Variants in ZPBP observed in about 807,000 individuals in gnomAD.
ZPBP encodes zona pellucida-binding protein 1.
In ZPBP, 26 loss-of-function variants were observed where a neutral mutation model predicts 44.8. The ratio of observed to expected loss-of-function variants is 0.58; its 90% CI spans 0.43 to 0.81. The LOEUF (loss-of-function observed/expected upper bound fraction) is 0.81. ZPBP is among the 30% of genes least tolerant of loss of function. The pLI, the probability that ZPBP is intolerant of heterozygous loss-of-function variation, is 0.00. For missense variants in ZPBP, 409 were observed against 434.0 expected (o/e 0.94, Z 0.51); for synonymous variants, 174 against 153.2 (o/e 1.14, Z -1.00).
intron 7 of ZPBP, among the ~76,000 whole-genome samples, chr7:49,964,794 G>A (rs991404640): frequency 1.3e-5 from 2 of 152,208 alleles, no homozygotes; most frequent in South Asian, 2.1e-4. Flanking sequence ...TTCAGCAGTG[G>A]GGTCTGAGTT....
intron 7 of ZPBP, chr7:49,942,294 C>A: frequency 8.9e-6 from 2 of 224,974 alleles, no homozygotes; most frequent in South Asian, 1.4e-4. Flanking sequence ...CCCTCTGAGT[C>A]ATTGGTCTTC....
chr7:49,984,722 C>G (rs1484507372), intron 6 of ZPBP, among the ~76,000 whole-genome samples: 6 of 152,134 alleles, frequency 3.9e-5, no homozygotes, highest in Non-Finnish European at 5.9e-5. Context: ...AGGCCATGGA[C>G]TGGTACTGGT....
At chr7:49,879,261 C>G (rs1300919633) in intron 2 of ZPBP, among the ~76,000 whole-genome samples, 2 of 152,132 alleles carry the variant, frequency 1.3e-5, no homozygotes, top group African/African-American at 4.8e-5. Context: ...AATTGAAATT[C>G]TGTCAGATAA....
intron 7 of ZPBP, among the ~76,000 whole-genome samples, chr7:49,955,998 T>C (rs944087802): frequency 1.3e-5 from 2 of 152,218 alleles, no homozygotes; most frequent in Non-Finnish European, 2.9e-5. Context: ...CTTATCATTT[T>C]GTTGTTATGG....
intron 1 of ZPBP, chr7:49,911,923 G>GCACACACACACACACACACACACACACA (rs10639154): frequency 3.0e-6 from 1 of 327,892 alleles, no homozygotes; most frequent in African/African-American, 2.3e-5. Context: ...ACAAATACAC[G>GCACACACACACACACACACACACACACA]CACACACACA....
At chr7:49,959,057 G>A (rs146395790) in intron 7 of ZPBP, among the ~76,000 whole-genome samples, 2 of 152,198 alleles carry the variant, frequency 1.3e-5, no homozygotes, top group East Asian at 1.9e-4. Flanking sequence ...GCAAATTACT[G>A]TACTAATACA....
rs529933409 is a variant in ZPBP at position 49,998,005 on chromosome 7, C to T, written c.784-14486G>A. The stretch of plus-strand genomic sequence containing the variant: ...TGATCTCAGCTCACTGCAACCTCTG[C>T]CTCCTGGGTTCAAGCAATTCTCCTG... On this transcript the variant is annotated intron_variant, in intron 6 of 7. Transcript: ENST00000046087. Among the ~76,000 whole-genome samples the T allele has an allele frequency of 7.9e-5, 12 of 152,234 alleles. No individual in the cohort carries two copies. In the South Asian group the frequency reaches 2.5e-3, roughly 32 times the overall value.
chr7:49,886,620 A>G (rs1791913006), intron 2 of ZPBP, among the ~76,000 whole-genome samples: 1 of 152,112 alleles, frequency 6.6e-6, no homozygotes, highest in Admixed American at 6.6e-5. Flanking sequence ...CTTTTACTTT[A>G]GGTTCAGGGG....
chr7:49,911,830 G>A (rs941594251), intron 1 of ZPBP, among the ~76,000 whole-genome samples: 2 of 151,776 alleles, frequency 1.3e-5, no homozygotes, highest in Admixed American at 6.6e-5. Context: ...CCGGGAGGCA[G>A]AAGTTGCAGT....
chr7:49,973,323 G>T (rs948671632), intron 7 of ZPBP, among the ~76,000 whole-genome samples: 22 of 151,170 alleles, frequency 1.5e-4, no homozygotes, highest in African/African-American at 4.8e-4. Context: ...AAAACCATAG[G>T]CAACAAAAGA....
intron 7 of ZPBP, among the ~76,000 whole-genome samples, chr7:49,966,541 G>C (rs1023170492): frequency 1.3e-5 from 2 of 151,902 alleles, no homozygotes; most frequent in African/African-American, 4.8e-5. Flanking sequence ...CAGAAATCTC[G>C]GGAAATCCCC....
At chr7:50,020,577 C>A (rs1416963269) in intron 5 of ZPBP, among the ~76,000 whole-genome samples, 4 of 152,078 alleles carry the variant, frequency 2.6e-5, no homozygotes, top group Non-Finnish European at 5.9e-5. Flanking sequence ...TCTCGCACAT[C>A]CCCTCTTTAT....
intron 2 of ZPBP, among the ~76,000 whole-genome samples, chr7:49,893,739 T>C (rs759649258): frequency 1.9e-4 from 29 of 152,200 alleles, no homozygotes; most frequent in Middle Eastern, 6.8e-3. Context: ...TTCCTCTGTA[T>C]AAATAACAGT....
At chr7:50,032,918 C>T (rs1239918983) in intron 4 of ZPBP, among the ~76,000 whole-genome samples, 1 of 152,138 alleles carries the variant, frequency 6.6e-6, no homozygotes, top group Non-Finnish European at 1.5e-5. Context: ...TGAGATAATA[C>T]AATTAGACTG....
intron 7 of ZPBP, among the ~76,000 whole-genome samples, chr7:49,945,238 T>C (rs1795054391): frequency 6.6e-6 from 1 of 152,196 alleles, no homozygotes; most frequent in Non-Finnish European, 1.5e-5. Flanking sequence ...TTTTGACTTT[T>C]TAAAGATTTG....
At chr7:49,988,499 T>A (rs376744887) in intron 6 of ZPBP, among the ~76,000 whole-genome samples, 4 of 152,216 alleles carry the variant, frequency 2.6e-5, no homozygotes, top group Non-Finnish European at 5.9e-5. Context: ...CAAAATTGTA[T>A]GGGATTTCTA....
intron 6 of ZPBP, among the ~76,000 whole-genome samples, chr7:49,999,189 TC>T (rs1797987873): frequency 6.6e-6 from 1 of 151,508 alleles, no homozygotes; most frequent in Non-Finnish European, 1.5e-5. Flanking sequence ...ATAATAACTC[TC>T]CAATTCCTAT....
rs185282701 is a variant in ZPBP, at chr7:50,087,351, G to T, written c.208+2278C>A. On this transcript the variant is annotated intron_variant, in intron 2 of 7. Transcript: ENST00000046087. ...CTGGAATTTATCCCAGGAATGCAAA[G>T]CAAGTTCAAAATACAAAAATCAATG... Among the ~76,000 whole-genome samples the T allele has an allele frequency of 7.2e-5, 11 of 152,096 alleles. 1 individual carries two copies. The highest frequency in any genetic ancestry group is 2.0e-4 in the Admixed American group (3 of 15,274).
chr7:50,080,352 T>G (rs1428190730), intron 3 of ZPBP, among the ~76,000 whole-genome samples: 7 of 151,724 alleles, frequency 4.6e-5, no homozygotes, highest in Non-Finnish European at 1.0e-4. Context: ...TAAAAACCAA[T>G]GTAGTAACAG....
Sources: allele counts gnomAD v4.1 joint callset (sites outside exome capture counted in the v4.1 genomes callset), GRCh38; gene constraint gnomAD v4.1.1; transcripts MANE v1.5; gene names NCBI Gene and HGNC (gene_info 2026-07-23, HGNC 2026-07-21).